CTNNA3: variants seen among roughly 807,000 people sequenced by gnomAD.
CTNNA3 encodes catenin alpha 3, also known as catenin alpha-3.
CTNNA3 carries 76 observed loss-of-function variants against 95.7 expected under a neutral mutation model. The observed-to-expected ratio is 0.79, with a 90% CI of 0.66 to 0.96. The LOEUF (loss-of-function observed/expected upper bound fraction) is 0.96. Ranked by LOEUF, CTNNA3 falls within the 40% of genes least tolerant of loss-of-function variation. The probability of loss-of-function intolerance (pLI) is 0.00; values close to 1 mark genes in which losing one functional copy is unlikely to be tolerated. For missense variants in CTNNA3, 1,191 were observed against 1,089.8 expected (o/e 1.09, Z -1.31); for synonymous variants, 431 against 374.4 (o/e 1.15, Z -1.74).
intron 5 of CTNNA3, among the ~76,000 whole-genome samples, chr10:67,297,394 T>C (rs1419180121): frequency 1.3e-5 from 2 of 152,216 alleles, no homozygotes; most frequent in Non-Finnish European, 2.9e-5. Flanking sequence ...TCTTTACTTC[T>C]ATAGGAAATT....
chr10:67,341,203 C>G (rs1424368900), intron 5 of CTNNA3, among the ~76,000 whole-genome samples: 1 of 152,108 alleles, frequency 6.6e-6, no homozygotes, highest in East Asian at 1.9e-4. Context: ...TCAAATTACA[C>G]TTTTAGTTAT....
chr10:66,336,793 CT>C (rs1215059003), intron 12 of CTNNA3, among the ~76,000 whole-genome samples: 1 of 152,060 alleles, frequency 6.6e-6, no homozygotes, highest in Non-Finnish European at 1.5e-5. Flanking sequence ...TCTCATAGCT[CT>C]TATAGCAATG....
At chr10:66,601,239 A>C (rs918272971) in intron 10 of CTNNA3, among the ~76,000 whole-genome samples, 3 of 151,864 alleles carry the variant, frequency 2.0e-5, no homozygotes, top group African/African-American at 7.2e-5. Flanking sequence ...CAGATTCATG[A>C]CTTTAATTTA....
chr10:67,025,812 T>C (rs972626643), intron 7 of CTNNA3, among the ~76,000 whole-genome samples: 3 of 151,864 alleles, frequency 2.0e-5, no homozygotes, highest in Non-Finnish European at 4.4e-5. Context: ...TGCACACGTA[T>C]GATTATTGCG....
intron 1 of CTNNA3, among the ~76,000 whole-genome samples, chr10:67,685,602 A>G (rs1840715630): frequency 6.6e-6 from 1 of 152,220 alleles, no homozygotes; most frequent in African/African-American, 2.4e-5. Context: ...CAGTGGCCTC[A>G]GTGCTTTCGG....
At chr10:67,075,530 G>C (rs974868187) in intron 7 of CTNNA3, among the ~76,000 whole-genome samples, 1 of 152,134 alleles carries the variant, frequency 6.6e-6, no homozygotes, top group Non-Finnish European at 1.5e-5. Flanking sequence ...CCAACGTCAC[G>C]AGACTACATA....
At chr10:65,943,054 C>CT (rs1158283955) in intron 17 of CTNNA3, among the ~76,000 whole-genome samples, 6 of 150,124 alleles carry the variant, frequency 4.0e-5, no homozygotes, top group Admixed American at 3.4e-4. Flanking sequence ...ATAGTTATGT[C>CT]TTTTTTTCTT....
intron 14 of CTNNA3, among the ~76,000 whole-genome samples, chr10:66,089,536 T>C (rs1792446079): frequency 6.6e-6 from 1 of 151,932 alleles, no homozygotes; most frequent in South Asian, 2.1e-4. Flanking sequence ...GGTTCGCCTT[T>C]ACCTTAGGTA....
At chr10:66,113,431 G>GA (rs1462927961) in intron 13 of CTNNA3, among the ~76,000 whole-genome samples, 1 of 152,142 alleles carries the variant, frequency 6.6e-6, no homozygotes, top group Non-Finnish European at 1.5e-5. Context: ...ATTAGGAACA[G>GA]AAAATCTATG....
At chr10:66,926,896 TTTTC>T (rs1847112985) in intron 7 of CTNNA3, 2 of 1,534,798 alleles carry the variant, frequency 1.3e-6, no homozygotes, top group African/African-American at 2.8e-5. Flanking sequence ...GGGGGATAAC[TTTTC>T]TAAGTTGTTT....
At chr10:66,907,116 T>A (rs773032739) in intron 7 of CTNNA3, among the ~76,000 whole-genome samples, 9 of 152,196 alleles carry the variant, frequency 5.9e-5, no homozygotes, top group Non-Finnish European at 1.2e-4. Context: ...AAAATGTATC[T>A]CTGTTCATTC....
chr10:66,407,418 C>T (rs2132582457), intron 11 of CTNNA3, among the ~76,000 whole-genome samples: 1 of 151,950 alleles, frequency 6.6e-6, no homozygotes, highest in South Asian at 2.1e-4. Context: ...ATATCTAGCA[C>T]CGATGATAAT....
intron 13 of CTNNA3, among the ~76,000 whole-genome samples, chr10:66,189,605 T>TAC (rs2086548462): frequency 9.1e-6 from 1 of 110,090 alleles, no homozygotes; most frequent in South Asian, 3.6e-4. Context: ...TAGATTTATA[T>TAC]ATATATATAT....
In CTNNA3 at chr10:66,483,506, A is replaced by G. The variant is rs535701801; in HGVS notation, c.1531+37111T>C. Among the ~76,000 whole-genome samples, 7 of 152,316 alleles carry G rather than the reference A, an allele frequency of 4.6e-5. 1 individual carries two copies. The South Asian group carries it at 1.5e-3, about 32-fold the overall frequency. ...TTTAACTAAGTTTTACTTATTAAAAAATTATCAACTACAATCTCAAAAATA... is the reference window on the plus strand; with the variant it reads ...TTTAACTAAGTTTTACTTATTAAAAGATTATCAACTACAATCTCAAAAATA... On this transcript the variant is annotated intron_variant, in intron 11 of 17. Coordinates refer to ENST00000433211, the MANE Select transcript of CTNNA3 (RefSeq NM_013266.4).
At chr10:65,946,674 T>A (rs2077521193) in intron 17 of CTNNA3, among the ~76,000 whole-genome samples, 1 of 152,196 alleles carries the variant, frequency 6.6e-6, no homozygotes, top group Non-Finnish European at 1.5e-5. Flanking sequence ...TGAAATTCTT[T>A]AGGCTATTCA....
Position 67,478,099 on chromosome 10 carries a change from T to C in CTNNA3, c.579+43743A>G, listed in dbSNP as rs140137406. On this transcript the variant is annotated intron_variant, in intron 5 of 17. Transcript: ENST00000433211. Reference sequence around the variant, plus strand: ...AAGAAAGAATTTCAGAGCTTGAAGATAGGTCTTTTTGAATTAACTCAATCA... The same window carrying C: ...AAGAAAGAATTTCAGAGCTTGAAGACAGGTCTTTTTGAATTAACTCAATCA... 4.2e-3 allele frequency among the ~76,000 whole-genome samples: 641 copies of C among 152,342 alleles called. 11 individuals are homozygous for C. The highest frequency in any genetic ancestry group is 0.015 in the African/African-American group (607 of 41,586).
chr10:66,802,258 G>A (rs10997390), intron 7 of CTNNA3, among the ~76,000 whole-genome samples: 6,392 of 151,754 alleles, frequency 0.042, 450 homozygotes, highest in African/African-American at 0.15. Context: ...GAATAAGCAT[G>A]ACACAAATTG....
intron 15 of CTNNA3, among the ~76,000 whole-genome samples, chr10:66,043,390 A>T (rs1221737154): frequency 1.3e-5 from 2 of 152,150 alleles, no homozygotes; most frequent in Non-Finnish European, 2.9e-5. Context: ...CTGTGGAGTT[A>T]CTCATGTCTT....
intron 5 of CTNNA3, among the ~76,000 whole-genome samples, chr10:67,356,282 A>G (rs1330245756): frequency 6.6e-6 from 1 of 151,978 alleles, no homozygotes; most frequent in Non-Finnish European, 1.5e-5. Context: ...TTTCTCTCTC[A>G]TATTCCAACT....
Sources: allele counts gnomAD v4.1 joint callset (sites outside exome capture counted in the v4.1 genomes callset), GRCh38; gene constraint gnomAD v4.1.1; transcripts MANE v1.5; gene names NCBI Gene and HGNC (gene_info 2026-07-23, HGNC 2026-07-21).